The following GOLM2 variants were observed in gnomAD, a reference collection of about 807,000 sequenced individuals.
GOLM2 encodes the protein protein GOLM2.
Under a neutral mutation model 55.9 loss-of-function variants are expected in GOLM2, and 26 were observed. The ratio of observed to expected loss-of-function variants is 0.47; its 90% CI spans 0.34 to 0.65. The LOEUF is 0.65. GOLM2 is among the 30% of genes least tolerant of loss of function. The probability of loss-of-function intolerance (pLI) is 0.01; values close to 1 mark genes in which losing one functional copy is unlikely to be tolerated. For missense variants in GOLM2, 486 were observed against 531.8 expected, an observed-to-expected ratio of 0.91 and a Z score of 0.85; for synonymous variants, 165 against 194.6, an observed-to-expected ratio of 0.85 and a Z score of 1.27.
At chr15:44,320,274 T>G (rs2078940079) in intron 1 of GOLM2, among the ~76,000 whole-genome samples, 1 of 152,214 alleles carries the variant, frequency 6.6e-6, no homozygotes, top group Admixed American at 6.5e-5. Flanking sequence ...TCCTTTTTTC[T>G]TACTGAATAT....
intron 9 of GOLM2, among the ~76,000 whole-genome samples, chr15:44,407,195 T>C (rs2079603054): frequency 1.4e-5 from 2 of 145,784 alleles, no homozygotes; most frequent in South Asian, 4.2e-4. Context: ...TTCTATTATA[T>C]ATATTTATAT....
At chr15:44,408,770 G>C (rs2079614269) in intron 9 of GOLM2, among the ~76,000 whole-genome samples, 1 of 152,048 alleles carries the variant, frequency 6.6e-6, no homozygotes, top group Admixed American at 6.6e-5. Flanking sequence ...CACCCTCCTG[G>C]CTAAGATGGT....
chr15:44,295,374 C>T (rs544431949), intron 1 of GOLM2, among the ~76,000 whole-genome samples: 5 of 152,170 alleles, frequency 3.3e-5, no homozygotes, highest in African/African-American at 4.8e-5. Flanking sequence ...CCACCACATC[C>T]GGCCTTGAAC....
chr15:44,320,958 T>C (rs2078944354), intron 1 of GOLM2, among the ~76,000 whole-genome samples: 2 of 152,292 alleles, frequency 1.3e-5, no homozygotes, highest in South Asian at 4.2e-4. Context: ...CCCTTTCCCA[T>C]CTGTTTAAAT....
At chr15:44,395,612 C>T (rs760979211) in intron 8 of GOLM2, among the ~76,000 whole-genome samples, 18 of 151,080 alleles carry the variant, frequency 1.2e-4, no homozygotes, top group African/African-American at 3.9e-4. Context: ...GAGGCCAAGG[C>T]GGGCGAATCA....
intron 9 of GOLM2, among the ~76,000 whole-genome samples, chr15:44,403,744 A>G (rs1410148239): frequency 6.6e-6 from 1 of 152,158 alleles, no homozygotes; most frequent in Non-Finnish European, 1.5e-5. Flanking sequence ...TCAGGTACAA[A>G]TATTGCCCAG....
chr15:44,389,548 A>G (rs1329327582), intron 8 of GOLM2, among the ~76,000 whole-genome samples: 2 of 152,186 alleles, frequency 1.3e-5, no homozygotes, highest in East Asian at 3.9e-4. Flanking sequence ...ATAAGTAAAT[A>G]AAAAATAAAA....
chr15:44,317,335 C>A (rs2078917447), intron 1 of GOLM2, among the ~76,000 whole-genome samples: 1 of 152,120 alleles, frequency 6.6e-6, no homozygotes. Flanking sequence ...TGTGGTCATG[C>A]CACTGCACTC....
rs544439872 is a variant in GOLM2, at chr15:44,294,613, CTGAGGCAGGAGAATTGCT to C, written c.327+5261_327+5278del. Reference sequence around the variant, plus strand: ...CCTGTAGTCCCAGCTACTTGGGAGGCTGAGGCAGGAGAATTGCTTGAACCCGGCAGGCAGAGGTTGCAG... The same window carrying C: ...CCTGTAGTCCCAGCTACTTGGGAGGCTGAACCCGGCAGGCAGAGGTTGCAG... On this transcript the variant is annotated intron_variant, in intron 1 of 9. Transcript: ENST00000299957. Among the ~76,000 whole-genome samples the C allele has an allele frequency of 8.0e-5, 12 of 149,914 alleles. No homozygotes were observed. In the East Asian group the frequency reaches 2.2e-3, roughly 27 times the overall value.
intron 9 of GOLM2, among the ~76,000 whole-genome samples, chr15:44,409,048 C>T (rs2079616835): frequency 6.6e-6 from 1 of 152,148 alleles, no homozygotes; most frequent in Non-Finnish European, 1.5e-5. Context: ...GAGGCTGAGG[C>T]AGCTGGATCA....
chr15:44,360,245 GAC>G (rs2079228014), intron 6 of GOLM2, among the ~76,000 whole-genome samples: 1 of 152,110 alleles, frequency 6.6e-6, no homozygotes, highest in Non-Finnish European at 1.5e-5. Context: ...CCAATTAAAA[GAC>G]ACAGACTGGC....
intron 8 of GOLM2, among the ~76,000 whole-genome samples, chr15:44,400,722 G>A (rs1293161773): frequency 4.6e-5 from 7 of 151,406 alleles, no homozygotes; most frequent in African/African-American, 7.3e-5. Context: ...GACTACAGGC[G>A]CCTGCCACCA....
intron 1 of GOLM2, among the ~76,000 whole-genome samples, chr15:44,297,174 C>A (rs2078762071): frequency 6.6e-6 from 1 of 152,158 alleles, no homozygotes; most frequent in East Asian, 1.9e-4. Flanking sequence ...TTAAAAAAAA[C>A]GTCATTCTGA....
chr15:44,369,084 T>TAGG (rs2079308759), intron 6 of GOLM2, among the ~76,000 whole-genome samples: 1 of 74,982 alleles, frequency 1.3e-5, no homozygotes, highest in Non-Finnish European at 2.8e-5. Flanking sequence ...TATATATATA[T>TAGG]ATATATATAT....
chr15:44,311,432 A>C (rs1165805977), intron 1 of GOLM2, among the ~76,000 whole-genome samples: 1 of 152,186 alleles, frequency 6.6e-6, no homozygotes, highest in Non-Finnish European at 1.5e-5. Context: ...TTTTCAAATG[A>C]AATTCAGGAC....
chr15:44,369,693 T>TACACAC (rs3986148), intron 6 of GOLM2, among the ~76,000 whole-genome samples: 4,752 of 143,576 alleles, frequency 0.033, 91 homozygotes, highest in East Asian at 0.064. Context: ...TATATATGCA[T>TACACAC]ACACACACAC....
chr15:44,386,792 G>A (rs1450776394), intron 8 of GOLM2, among the ~76,000 whole-genome samples: 1 of 152,116 alleles, frequency 6.6e-6, no homozygotes, highest in Non-Finnish European at 1.5e-5. Flanking sequence ...GATTGCTTGA[G>A]CCCAGGAGTT....
Position 44,380,872 on chromosome 15 carries a change from G to A in GOLM2, c.968G>A (p.Arg323His), listed in dbSNP as rs564743314. 138 of 1,598,142 alleles carry A rather than the reference G, an allele frequency of 8.6e-5. No homozygotes were observed. The highest frequency in any genetic ancestry group is 6.6e-4 in the Middle Eastern group (4 of 6,024). The change falls in exon 8 of 10, where the codon CGT (arginine) becomes CAT (histidine). Residue 323 changes from arginine to histidine, a missense_variant. Transcript: ENST00000299957. ...CAGAATCCTTCCAGTCCTCTTCAGC[G>A]TTTAATTCCAGGCTCAAACTTGGAC... is the stretch of plus-strand genomic sequence containing the variant. ...SKQNPSSPLQ[R>H]LIPGSNLDSE...
rs944423395 is a variant in GOLM2, at chr15:44,289,421, T to C, written c.327+65T>C. Reference sequence around the variant, plus strand: ...TTTCTCCCCGGGGTCTGGGGCGGGATGTTAATCCGCTAGCTGTTGTCTTAT... The same window carrying C: ...TTTCTCCCCGGGGTCTGGGGCGGGACGTTAATCCGCTAGCTGTTGTCTTAT... On this transcript the variant is annotated intron_variant, in intron 1 of 9. Coordinates refer to ENST00000299957, the MANE Select transcript of GOLM2 (RefSeq NM_138423.4). This position sits in a 1 kb window ranked among gnomAD's most constrained non-coding sequence, Gnocchi z 4.8. The C allele has an allele frequency of 2.0e-4, 279 of 1,420,074 alleles. No individual in the cohort carries two copies. Among genetic ancestry groups the C allele is most frequent in the Non-Finnish European group, 2.3e-4 (240 of 1,047,806 alleles). The allele number at this position is 1,420,074 out of a possible 1,614,324, so 88.0% of individuals were successfully genotyped here.
Sources: allele counts gnomAD v4.1 joint callset (sites outside exome capture counted in the v4.1 genomes callset), GRCh38; gene constraint gnomAD v4.1.1; non-coding constraint Gnocchi (gnomAD v3.1); transcripts MANE v1.5; gene names NCBI Gene and HGNC (gene_info 2026-07-23, HGNC 2026-07-21).